The following FOCAD variants were observed in gnomAD, a reference collection of about 807,000 sequenced individuals.
FOCAD encodes focadhesin.
FOCAD carries 198 observed loss-of-function variants against 225.6 expected under a neutral mutation model. That is an observed-to-expected ratio of 0.88 (90% confidence interval 0.78 to 0.99). The LOEUF is 0.99. Among genes scored for constraint, FOCAD ranks in the 50% least tolerant of loss-of-function variants. The pLI is 0.00. For missense variants in FOCAD, 2,713 were observed against 2,123.6 expected, an observed-to-expected ratio of 1.28 and a Z score of -5.46; for synonymous variants, 897 against 755.0, an observed-to-expected ratio of 1.19 and a Z score of -3.08.
rs993198594 is a variant in FOCAD at position 20,825,828 on chromosome 9, C to A, written c.1920+2713C>A. Among the ~76,000 whole-genome samples, 19 of 152,214 alleles carry A rather than the reference C, an allele frequency of 1.2e-4. 1 individual carries two copies. Among genetic ancestry groups the A allele is most frequent in the South Asian group, 4.1e-4 (2 of 4,826 alleles). On this transcript the variant is annotated intron_variant, in intron 15 of 43. Transcript: ENST00000338382. ...CAATCAAAGATTAAAAGAGTGGATT[C>A]TGTCTACCTTCCAACTCTTTCAAGG...
chr9:20,942,163 C>T (rs1204384946), intron 28 of FOCAD, among the ~76,000 whole-genome samples: 1 of 152,168 alleles, frequency 6.6e-6, no homozygotes, highest in Non-Finnish European at 1.5e-5. Context: ...CACTTAACTG[C>T]CGCTGTAGCA....
At chr9:20,851,237 G>T (rs190318814) in intron 15 of FOCAD, among the ~76,000 whole-genome samples, 13 of 149,432 alleles carry the variant, frequency 8.7e-5, no homozygotes, top group Admixed American at 6.7e-4. Flanking sequence ...GGGGTGGGGG[G>T]GTGTTATTAT....
At chr9:20,796,149 A>C (rs542358695) in intron 11 of FOCAD, among the ~76,000 whole-genome samples, 1 of 152,018 alleles carries the variant, frequency 6.6e-6, no homozygotes, top group African/African-American at 2.4e-5. Flanking sequence ...TGAACTCATA[A>C]TTTTTTATGG....
intron 10 of FOCAD, chr9:20,787,078 G>GCAAACAAA (rs373152138): frequency 3.0e-5 from 10 of 329,158 alleles, no homozygotes; most frequent in South Asian, 1.7e-4. Context: ...CTAACCTTAG[G>GCAAACAAA]CAAACAAACA....
intron 28 of FOCAD, among the ~76,000 whole-genome samples, chr9:20,933,611 A>G (rs1204096483): frequency 1.3e-5 from 2 of 151,782 alleles, no homozygotes; most frequent in Non-Finnish European, 2.9e-5. Flanking sequence ...TTATCCACTC[A>G]TTGATTGATG....
intron 21 of FOCAD, among the ~76,000 whole-genome samples, chr9:20,898,940 T>C (rs527690010): frequency 2.0e-5 from 3 of 152,006 alleles, no homozygotes; most frequent in East Asian, 2.0e-4. Context: ...CACAAGTGTT[T>C]CTCAGGATTT....
At chr9:20,860,508 G>C (rs1159715867) in intron 15 of FOCAD, among the ~76,000 whole-genome samples, 2 of 152,014 alleles carry the variant, frequency 1.3e-5, no homozygotes, top group Non-Finnish European at 2.9e-5. Flanking sequence ...GTTATGCACT[G>C]TTTTCTTTGT....
chr9:20,796,647 C>G (rs1156895901), intron 11 of FOCAD, among the ~76,000 whole-genome samples: 1 of 152,138 alleles, frequency 6.6e-6, no homozygotes, highest in Non-Finnish European at 1.5e-5. Flanking sequence ...CCTTTGCCCA[C>G]TTTTTGATGG....
chr9:20,779,972 C>G (rs552503313), intron 9 of FOCAD, among the ~76,000 whole-genome samples: 2 of 152,092 alleles, frequency 1.3e-5, no homozygotes, highest in South Asian at 4.1e-4. Context: ...CAGTCTGATC[C>G]GGTTTTTGCC....
At chr9:20,721,926 T>C (rs1316508320) in intron 4 of FOCAD, among the ~76,000 whole-genome samples, 1 of 43,558 alleles carries the variant, frequency 2.3e-5, no homozygotes, top group Non-Finnish European at 4.0e-5. Flanking sequence ...TTCCCCTTCC[T>C]CTCCCCTCCC....
chr9:20,874,449 G>A (rs2131791471), intron 18 of FOCAD: 1 of 413,464 alleles, frequency 2.4e-6, no homozygotes, highest in South Asian at 3.7e-5. Context: ...ATTAACATAA[G>A]CTTTTTATAC....
At chr9:20,945,708 A>C (rs867527231) in intron 29 of FOCAD, among the ~76,000 whole-genome samples, 1 of 152,194 alleles carries the variant, frequency 6.6e-6, no homozygotes, top group Non-Finnish European at 1.5e-5. Flanking sequence ...AAATGAAAGC[A>C]ATGTTTTTAT....
chr9:20,841,396 CT>C (rs139706361), intron 15 of FOCAD, among the ~76,000 whole-genome samples: 49 of 144,608 alleles, frequency 3.4e-4, no homozygotes, highest in Non-Finnish European at 2.9e-4. Flanking sequence ...AGTTTCTGGG[CT>C]TTTTTTTTTG....
intron 10 of FOCAD, among the ~76,000 whole-genome samples, chr9:20,783,116 G>C (rs1819558988): frequency 1.3e-5 from 2 of 152,210 alleles, no homozygotes; most frequent in South Asian, 4.1e-4. Context: ...CAAGAGTTCT[G>C]CTCCTTTAAA....
At chr9:20,815,719 G>C (rs1823662460) in intron 11 of FOCAD, among the ~76,000 whole-genome samples, 1 of 152,046 alleles carries the variant, frequency 6.6e-6, no homozygotes, top group Admixed American at 6.6e-5. Context: ...CAGATCTTGA[G>C]ACAGTCAATT....
rs185106188 is a variant in FOCAD, at chr9:20,738,336, T to C, written c.288-1900T>C. On this transcript the variant is annotated intron_variant, in intron 4 of 43. Transcript: ENST00000338382. The stretch of plus-strand genomic sequence containing the variant: ...CTAGTTTACAAAAAGATTTCCATTT[T>C]AATTTTCACTGAGTTACAGTGAGAT... Among the ~76,000 whole-genome samples the C allele has an allele frequency of 2.0e-5, 3 of 152,342 alleles. No homozygotes were observed. The East Asian group carries it at 5.8e-4, about 29-fold the overall frequency.
intron 11 of FOCAD, among the ~76,000 whole-genome samples, chr9:20,811,164 C>G (rs1823024591): frequency 6.6e-6 from 1 of 152,012 alleles, no homozygotes; most frequent in South Asian, 2.1e-4. Flanking sequence ...AATTTATACT[C>G]TAAAAGCATT....
chr9:20,694,932 A>T (rs963616657), intron 1 of FOCAD, among the ~76,000 whole-genome samples: 1 of 152,216 alleles, frequency 6.6e-6, no homozygotes, highest in African/African-American at 2.4e-5. Flanking sequence ...AATCAGAATC[A>T]TGTAAGTTTC....
At chr9:20,969,563 T>C (rs1407994430) in intron 35 of FOCAD, among the ~76,000 whole-genome samples, 3 of 152,070 alleles carry the variant, frequency 2.0e-5, no homozygotes, top group African/African-American at 4.8e-5. Context: ...TAAAGTTCTA[T>C]TTCTCCCTTT....
Sources: allele counts gnomAD v4.1 joint callset (sites outside exome capture counted in the v4.1 genomes callset), GRCh38; gene constraint gnomAD v4.1.1; transcripts MANE v1.5; gene names NCBI Gene and HGNC (gene_info 2026-07-23, HGNC 2026-07-21).